The following SMG6 variants were observed in gnomAD, a reference collection of about 807,000 sequenced individuals.
The protein encoded by SMG6 is SMG6 nonsense mediated mRNA decay factor.
A neutral mutation model predicts 142.2 loss-of-function variants in SMG6; 66 were observed. The ratio of observed to expected loss-of-function variants is 0.46; its 90% CI spans 0.38 to 0.57. SMG6 has a LOEUF of 0.57. Among genes scored for constraint, SMG6 ranks in the 20% least tolerant of loss-of-function variants. The pLI is 0.00. For synonymous variants in SMG6, 779 were observed against 702.4 expected (o/e 1.11, Z -1.72); for missense variants, 1,793 against 1,832.0 (o/e 0.98, Z 0.39).
intron 10 of SMG6, among the ~76,000 whole-genome samples, chr17:2,230,982 C>G (rs951195796): frequency 6.6e-6 from 1 of 152,084 alleles, no homozygotes; most frequent in Non-Finnish European, 1.5e-5. Flanking sequence ...GGGTTTCTAC[C>G]ACCAGAGATG....
rs866038160 is a variant in SMG6, at chr17:2,065,524, G to A, written c.3991C>T (p.Arg1331Cys). The part of the protein sequence containing the change: ...RDSCLRALTS[R>C]GNELESIAFR... ...GCGATGGATTCGAGTTCATTGCCAC[G>A]GCTGGTCAGGGCTCGCAGGCAAGAG... Residue 1331 changes from arginine (R) to cysteine (C), a missense_variant, in exon 17 of 19, where the codon CGT (arginine) becomes TGT (cysteine). Arg to Cys is a radical substitution (Grantham distance 180). Transcript: ENST00000263073. 3.7e-6 allele frequency: 6 copies of A among 1,613,800 alleles called. No individual in the cohort carries two copies. Among genetic ancestry groups the A allele is most frequent in the Admixed American group, 1.7e-5 (1 of 60,010 alleles).
chr17:2,300,054 T>TCGCGGGCC lies in SMG6; in HGVS notation c.698_699insGGCCCGCG (p.Gly236GlufsTer41). ...TTGCGGAGCCCGGCCTCCCGCGGGC[T>TCGCGGGCC]GGGTCGTCGTGGGTTTCCCTCACCC... On this transcript the variant is annotated frameshift_variant, in exon 2 of 19. Transcript: ENST00000263073. LOFTEE classifies it high-confidence loss of function. The TCGCGGGCC allele has an allele frequency of 6.2e-7, 1 of 1,614,140 alleles. No homozygotes were observed. Among genetic ancestry groups the TCGCGGGCC allele is most frequent in the Non-Finnish European group, 8.5e-7 (1 of 1,180,004 alleles).
chr17:2,256,612 T>A (rs1289898150), intron 8 of SMG6, among the ~76,000 whole-genome samples: 1 of 151,710 alleles, frequency 6.6e-6, no homozygotes, highest in African/African-American at 2.4e-5. Flanking sequence ...AAAATAAAAA[T>A]AAAATAAAAT....
At chr17:2,116,372 C>A (rs913608990) in intron 13 of SMG6, among the ~76,000 whole-genome samples, 12 of 152,106 alleles carry the variant, frequency 7.9e-5, no homozygotes, top group Non-Finnish European at 1.2e-4. Flanking sequence ...AGCCACTGTA[C>A]CTGACCAAGA....
At position 2,287,923 on chromosome 17, in the gene SMG6, A is replaced by G. The variant is rs1185872161; in HGVS notation, c.2338-4188T>C. 3.3e-5 allele frequency among the ~76,000 whole-genome samples: 5 copies of G among 152,212 alleles called. No individual in the cohort carries two copies. In the East Asian group the frequency reaches 7.7e-4, roughly 23 times the overall value. Reference sequence around the variant, plus strand: ...AGAGAAGTGGGAGCTGTTATTTAATAGATATGGAGTTCCAGTTTTGTAAAA... The same window carrying G: ...AGAGAAGTGGGAGCTGTTATTTAATGGATATGGAGTTCCAGTTTTGTAAAA... On this transcript the variant is annotated intron_variant, in intron 6 of 18. Coordinates refer to ENST00000263073, the MANE Select transcript of SMG6 (RefSeq NM_017575.5).
Position 2,282,701 on chromosome 17 carries a change from C to G in SMG6, c.2607G>C (p.Glu869Asp). Residue 869 changes from glutamate to aspartate, a missense_variant, in exon 8 of 19, where the codon GAG becomes GAC. Glu to Asp is a conservative substitution (Grantham distance 45). Coordinates refer to ENST00000263073, the MANE Select transcript of SMG6 (RefSeq NM_017575.5). ...TCTCTTGCTCAGAATCCTTCCCAGACTCAGTGCCCTGGGAAGACCGTGGAT... is the reference window on the plus strand; with the variant it reads ...TCTCTTGCTCAGAATCCTTCCCAGAGTCAGTGCCCTGGGAAGACCGTGGAT... ...PSHPRSSQGT[E>D]SGKDSEQENG... The G allele has an allele frequency of 6.2e-7, 1 of 1,614,154 alleles. No individual in the cohort carries two copies. Among genetic ancestry groups the G allele is most frequent in the Non-Finnish European group, 8.5e-7 (1 of 1,180,012 alleles).
At chr17:2,127,401 C>T in intron 13 of SMG6, 2 of 693,652 alleles carry the variant, frequency 2.9e-6, no homozygotes, top group South Asian at 1.4e-5. Context: ...ATCCTTTTCC[C>T]CCCCTCTTTA....
At chr17:2,222,301 T>C (rs1304497345) in intron 10 of SMG6, among the ~76,000 whole-genome samples, 1 of 151,734 alleles carries the variant, frequency 6.6e-6, no homozygotes, top group East Asian at 1.9e-4. Context: ...CAGTGTTAAA[T>C]AGGATGGTTG....
At position 2,226,208 on chromosome 17, in the gene SMG6, G is replaced by C. The variant is rs542523745; in HGVS notation, c.2869+10284C>G. On this transcript the variant is annotated intron_variant, in intron 10 of 18. Coordinates refer to ENST00000263073, the MANE Select transcript of SMG6 (RefSeq NM_017575.5). ...AAGAATTGCTTGAACTAGAGAGACA[G>C]AGGTTGCAGTGAGCCAAGATCATGC... 2.2e-4 allele frequency among the ~76,000 whole-genome samples: 33 copies of C among 151,644 alleles called. No homozygotes were observed. The South Asian group carries it at 5.8e-3, about 27-fold the overall frequency.
At chr17:2,273,127 T>A (rs987129279) in intron 8 of SMG6, among the ~76,000 whole-genome samples, 1 of 152,198 alleles carries the variant, frequency 6.6e-6, no homozygotes, top group Non-Finnish European at 1.5e-5. Context: ...CATTCAGCTA[T>A]GAGTTATAGT....
At chr17:2,180,170 G>A (rs1442643899) in intron 12 of SMG6, among the ~76,000 whole-genome samples, 1 of 152,172 alleles carries the variant, frequency 6.6e-6, no homozygotes, top group African/African-American at 2.4e-5. Flanking sequence ...TGCCGAAGTA[G>A]GGGTGCAGCT....
rs750203578 is a variant in SMG6 at position 2,186,656 on chromosome 17, A to C, written c.3155+7T>G. 13 of 1,614,144 alleles carry C rather than the reference A, an allele frequency of 8.1e-6. No homozygotes were observed. In the Admixed American group the frequency reaches 2.2e-4, roughly 27 times the overall value. ...GTGGTGCTGAAGCAATGGGCAGGTC[A>C]ACTCACTGCGAGGGCAGATCCAGGG... On this transcript the variant is annotated splice_region_variant and intron_variant, in intron 12 of 18. Transcript: ENST00000263073.
intron 10 of SMG6, 28 bp downstream of exon 10, chr17:2,236,462 TTC>T: frequency 6.2e-7 from 1 of 1,603,952 alleles, no homozygotes; most frequent in Non-Finnish European, 8.5e-7. Flanking sequence ...TCTGTCTATA[TTC>T]TAGATGAAGA....
At chr17:2,152,772 A>G (rs1042013008) in intron 13 of SMG6, among the ~76,000 whole-genome samples, 1 of 152,234 alleles carries the variant, frequency 6.6e-6, no homozygotes, top group African/African-American at 2.4e-5. Flanking sequence ...GTCTCTAGCG[A>G]AGTTAAACAT....
At chr17:2,221,960 C>A (rs902735193) in intron 10 of SMG6, among the ~76,000 whole-genome samples, 3 of 152,172 alleles carry the variant, frequency 2.0e-5, no homozygotes, top group African/African-American at 7.2e-5. Flanking sequence ...GTCTTGAATT[C>A]CTGAGCTCAA....
At position 2,085,884 on chromosome 17, in the gene SMG6, G is replaced by T; in HGVS notation, c.3375C>A (p.Cys1125Ter). 6.2e-7 allele frequency: 1 copy of T among 1,614,124 alleles called. No homozygotes were observed. Among genetic ancestry groups the T allele is most frequent in the Non-Finnish European group, 8.5e-7 (1 of 1,180,006 alleles). ...KTSDKVIAADCKRVTVLKYFL... is the reference protein window; with the variant it reads ...KTSDKVIAAD Reference sequence around the variant, plus strand: ...AATACTTCAGCACTGTGACCCTTTTGCAGTCAGCTGCAATAACCTACAGGG... The same window carrying T: ...AATACTTCAGCACTGTGACCCTTTTTCAGTCAGCTGCAATAACCTACAGGG... Residue 1125 changes from cysteine to a stop codon, truncating the protein, a stop_gained, in exon 14 of 19, where the codon TGC (cysteine) becomes TGA (stop). Transcript: ENST00000263073. LOFTEE classifies it high-confidence loss of function. The surrounding 1 kb of genome is among the most constrained non-coding windows in gnomAD (Gnocchi z 4.1).
At chr17:2,277,151 TTATTTATTTA>T (rs1364736055) in intron 8 of SMG6, among the ~76,000 whole-genome samples, 1 of 75,582 alleles carries the variant, frequency 1.3e-5, no homozygotes, top group African/African-American at 6.6e-5. Flanking sequence ...ATTTATTTAT[TTATTTATTTA>T]TTTATTTTTT....
At chr17:2,207,944 T>C (rs886660042) in intron 10 of SMG6, among the ~76,000 whole-genome samples, 5 of 152,150 alleles carry the variant, frequency 3.3e-5, no homozygotes, top group Non-Finnish European at 7.3e-5. Context: ...GGTTTATTTA[T>C]AGACCACTGC....
At chr17:2,200,013 C>T (rs1215442732) in intron 10 of SMG6, 1 of 151,262 alleles carries the variant, frequency 6.6e-6, no homozygotes, top group Non-Finnish European at 1.5e-5. Context: ...CCTCTGCCTC[C>T]CGGGTTCAAG....
Sources: allele counts gnomAD v4.1 joint callset (sites outside exome capture counted in the v4.1 genomes callset), GRCh38; gene constraint gnomAD v4.1.1; non-coding constraint Gnocchi (gnomAD v3.1); transcripts MANE v1.5; gene names NCBI Gene and HGNC (gene_info 2026-07-23, HGNC 2026-07-21).